Variants in CCDC91 observed in about 807,000 individuals in gnomAD.
CCDC91 encodes coiled-coil domain-containing protein 91.
Under a neutral mutation model 63.2 loss-of-function variants are expected in CCDC91, and 48 were observed. The observed-to-expected ratio is 0.76, with a 90% confidence interval of 0.60 to 0.97. The LOEUF is 0.97. Among genes scored for constraint, CCDC91 ranks in the 50% least tolerant of loss-of-function variants. The pLI is 0.00. For missense variants in CCDC91, 500 were observed against 494.6 expected, an observed-to-expected ratio of 1.01 and a Z score of -0.10; for synonymous variants, 167 against 165.8, an observed-to-expected ratio of 1.01 and a Z score of -0.06.
At chr12:28,490,893 C>A (rs1028675074) in intron 12 of CCDC91, among the ~76,000 whole-genome samples, 1 of 149,714 alleles carries the variant, frequency 6.7e-6, no homozygotes, top group African/African-American at 2.5e-5. Flanking sequence ...GACAATCACA[C>A]ACTTTGGTGA....
chr12:28,535,748 G>A (rs914406743), intron 12 of CCDC91, among the ~76,000 whole-genome samples: 9 of 152,078 alleles, frequency 5.9e-5, no homozygotes, highest in South Asian at 2.1e-4. Flanking sequence ...TGTGGGAAAC[G>A]GGCCTGGTGC....
At chr12:28,223,321 T>G (rs1944069478) in intron 1 of CCDC91, among the ~76,000 whole-genome samples, 1 of 152,152 alleles carries the variant, frequency 6.6e-6, no homozygotes, top group Non-Finnish European at 1.5e-5. Flanking sequence ...CAAGGTAAAC[T>G]TTCTGTTTTC....
intron 6 of CCDC91, among the ~76,000 whole-genome samples, chr12:28,343,213 T>C (rs1363709660): frequency 6.6e-6 from 1 of 151,152 alleles, no homozygotes; most frequent in Non-Finnish European, 1.5e-5. Context: ...TATATATATA[T>C]ATATATTCAA....
At chr12:28,454,304 A>AG (rs1470049250) in intron 11 of CCDC91, among the ~76,000 whole-genome samples, 2 of 152,170 alleles carry the variant, frequency 1.3e-5, no homozygotes, top group Non-Finnish European at 2.9e-5. Context: ...GTACTGGTGA[A>AG]GACCCACACC....
chr12:28,264,932 G>A (rs1056642698), intron 3 of CCDC91, among the ~76,000 whole-genome samples: 3 of 151,840 alleles, frequency 2.0e-5, no homozygotes, highest in Non-Finnish European at 1.5e-5. Flanking sequence ...TTTCAGTGAT[G>A]CCATATAAAG....
chr12:28,432,513 A>T (rs1414478047), intron 8 of CCDC91, among the ~76,000 whole-genome samples: 1 of 151,966 alleles, frequency 6.6e-6, no homozygotes, highest in Non-Finnish European at 1.5e-5. Context: ...TTCCACCATG[A>T]CTGTAAGTTT....
At chr12:28,264,156 T>C (rs1565692134) in intron 3 of CCDC91, among the ~76,000 whole-genome samples, 1 of 151,794 alleles carries the variant, frequency 6.6e-6, no homozygotes. Flanking sequence ...TGCCAGTAGG[T>C]AACAATAGAG....
intron 3 of CCDC91, among the ~76,000 whole-genome samples, chr12:28,296,239 A>G (rs1289695429): frequency 6.6e-6 from 1 of 151,682 alleles, no homozygotes; most frequent in Non-Finnish European, 1.5e-5. Flanking sequence ...TGCTAGCAAA[A>G]GATTACGAGG....
chr12:28,350,825 CCT>C (rs1347972035), intron 6 of CCDC91, among the ~76,000 whole-genome samples: 3 of 152,150 alleles, frequency 2.0e-5, no homozygotes, highest in African/African-American at 7.2e-5. Context: ...GGCCCTCTTC[CCT>C]GTGTCTCAAA....
rs1206020639 is a variant in CCDC91, at chr12:28,463,794, C to CT, written c.1101+11148dup. 8.6e-5 allele frequency among the ~76,000 whole-genome samples: 13 copies of CT among 151,994 alleles called. No homozygotes were observed. In the East Asian group the frequency reaches 1.2e-3, roughly 14 times the overall value. On this transcript the variant is annotated intron_variant, in intron 11 of 12. Transcript: ENST00000536442. ...AGAATAACAATAAATGAACAAAAAA[C>CT]TTTTTTTTGAAGAAGTATAGCAAGA...
chr12:28,281,682 A>C (rs1027287350), intron 3 of CCDC91, among the ~76,000 whole-genome samples: 33 of 152,042 alleles, frequency 2.2e-4, no homozygotes, highest in African/African-American at 7.7e-4. Flanking sequence ...AATAATTATT[A>C]TTTTTCCTTA....
chr12:28,486,831 T>C (rs1390136327), intron 12 of CCDC91, among the ~76,000 whole-genome samples: 1 of 152,048 alleles, frequency 6.6e-6, no homozygotes, highest in Non-Finnish European at 1.5e-5. Flanking sequence ...GACATTAGCT[T>C]TCATTTGCAC....
At chr12:28,264,667 T>C (rs895323393) in intron 3 of CCDC91, among the ~76,000 whole-genome samples, 6 of 151,016 alleles carry the variant, frequency 4.0e-5, no homozygotes, top group Non-Finnish European at 5.9e-5. Flanking sequence ...TCTTTACCTG[T>C]ACTGATTTGA....
chr12:28,302,573 G>A (rs7316389), intron 3 of CCDC91: 882,598 of 891,610 alleles, frequency 0.99, 437,342 homozygotes, highest in East Asian at 1. Flanking sequence ...TACCTAGACA[G>A]TAATATTGTG....
At chr12:28,476,043 G>T (rs1405812) in intron 11 of CCDC91, among the ~76,000 whole-genome samples, 122,799 of 151,856 alleles carry the variant, frequency 0.81, 50,483 homozygotes, top group African/African-American at 0.91. Context: ...AATACAAGGA[G>T]TATAGTTCAT....
chr12:28,248,831 T>G (rs1021417576), intron 1 of CCDC91, among the ~76,000 whole-genome samples: 5 of 152,184 alleles, frequency 3.3e-5, no homozygotes, highest in Non-Finnish European at 7.3e-5. Context: ...TCATTGTTGA[T>G]GAGAAAGAGC....
chr12:28,516,114 C>T (rs1224390419), intron 12 of CCDC91, among the ~76,000 whole-genome samples: 2 of 151,888 alleles, frequency 1.3e-5, no homozygotes, highest in African/African-American at 4.8e-5. Context: ...GTAATGTGCT[C>T]AGACAAGTTT....
chr12:28,198,758 T>C (rs983586309), intron 1 of CCDC91, among the ~76,000 whole-genome samples: 12 of 152,212 alleles, frequency 7.9e-5, no homozygotes, highest in African/African-American at 2.7e-4. Context: ...TTACAATTAA[T>C]GTATTTACTA....
At chr12:28,537,308 G>T (rs1942254932) in intron 12 of CCDC91, among the ~76,000 whole-genome samples, 1 of 152,110 alleles carries the variant, frequency 6.6e-6, no homozygotes, top group Non-Finnish European at 1.5e-5. Flanking sequence ...AGCATAGCTT[G>T]ATCATTACAA....
Sources: gnomAD v4.1 joint callset for allele counts (sites outside exome capture counted in the v4.1 genomes callset) on GRCh38, gnomAD v4.1.1 for gene constraint, MANE v1.5 for transcripts, NCBI Gene and HGNC (gene_info 2026-07-23, HGNC 2026-07-21) for gene names.